NCOA2: variants seen among roughly 807,000 people sequenced by gnomAD.
NCOA2 encodes the protein nuclear receptor coactivator 2.
In NCOA2, 21 loss-of-function variants were observed where a neutral mutation model predicts 145.1. The observed-to-expected ratio is 0.14, with a 90% CI of 0.10 to 0.21. The LOEUF (loss-of-function observed/expected upper bound fraction) is 0.21. NCOA2 is among the 10% of genes least tolerant of loss of function. The pLI, the probability that NCOA2 is intolerant of heterozygous loss-of-function variation, is 1.00. For synonymous variants in NCOA2, 619 were observed against 637.5 expected (o/e 0.97, Z 0.44); for missense variants, 1,472 against 1,837.6 (o/e 0.80, Z 3.64).
Position 70,144,629 on chromosome 8 carries a change from T to C in NCOA2, c.2812+13A>G. ...AACCCACCAATAAAGTAACAGTGCA[T>C]TTGACCCCTTACCTGTGCTACTGTT... is the stretch of plus-strand genomic sequence containing the variant. On this transcript the variant is annotated intron_variant, in intron 13 of 22. Coordinates refer to ENST00000452400, the MANE Select transcript of NCOA2 (RefSeq NM_006540.4). The C allele has an allele frequency of 6.2e-7, 1 of 1,604,104 alleles. No homozygotes were observed. The highest frequency in any genetic ancestry group is 8.5e-7 in the Non-Finnish European group (1 of 1,170,876).
Position 70,289,669 on chromosome 8 carries a change from T to C in NCOA2, c.-20+7075A>G, listed in dbSNP as rs1826514688. 3.3e-5 allele frequency among the ~76,000 whole-genome samples: 5 copies of C among 152,030 alleles called. No individual in the cohort carries two copies. In the South Asian group the frequency reaches 1.0e-3, roughly 32 times the overall value. On this transcript the variant is annotated intron_variant, in intron 2 of 22. Transcript: ENST00000452400. Reference sequence around the variant, plus strand: ...AAAAAGGAAGTCCTTAATTCTACTTTTTAAAAAGTAGTGAAAACAAACAAT... The same window carrying C: ...AAAAAGGAAGTCCTTAATTCTACTTCTTAAAAAGTAGTGAAAACAAACAAT...
the NCOA2 span, among the ~76,000 whole-genome samples, chr8:70,422,498 C>T: frequency 6.6e-6 from 1 of 151,962 alleles, no homozygotes; most frequent in African/African-American, 2.4e-5. Context: ...GCAACCTCTG[C>T]TTCCCAGGGT....
At chr8:70,250,653 T>TATTCTAAATTTAACATTCTA (rs1439246152) in intron 2 of NCOA2, among the ~76,000 whole-genome samples, 1 of 152,176 alleles carries the variant, frequency 6.6e-6, no homozygotes, top group Non-Finnish European at 1.5e-5. Context: ...TAAATTTCTA[T>TATTCTAAATTTAACATTCTA]AATACAAATG....
In NCOA2 at chr8:70,217,242, T is replaced by C. The variant is rs1368892131; in HGVS notation, c.-19-478A>G. On this transcript the variant is annotated intron_variant, in intron 2 of 22. Transcript: ENST00000452400. ...GAAGAGCCAGTGCCAGGACACGAAA[T>C]TGAAGGTTTTCAAATTTAACTAGGT... Among the ~76,000 whole-genome samples the C allele has an allele frequency of 3.3e-5, 5 of 152,162 alleles. No individual in the cohort carries two copies. The South Asian group carries it at 8.3e-4, about 25-fold the overall frequency.
chr8:70,278,770 C>T (rs1282831655), intron 2 of NCOA2, among the ~76,000 whole-genome samples: 1 of 151,970 alleles, frequency 6.6e-6, no homozygotes, highest in Non-Finnish European at 1.5e-5. Flanking sequence ...AGTTCGAGAC[C>T]AGGCTGGACA....
Position 70,188,986 on chromosome 8 carries a change from A to G in NCOA2, c.260-14127T>C, listed in dbSNP as rs1454385822. On this transcript the variant is annotated intron_variant, in intron 4 of 22. Coordinates refer to ENST00000452400, the MANE Select transcript of NCOA2 (RefSeq NM_006540.4). ...CTCAGTAGAATAAAACATGAATACT[A>G]TACCAAATGTACATTGTTTCTTTTT... Among the ~76,000 whole-genome samples the G allele has an allele frequency of 2.6e-5, 4 of 152,234 alleles. No homozygotes were observed. In the East Asian group the frequency reaches 7.7e-4, roughly 29 times the overall value.
intron 2 of NCOA2, among the ~76,000 whole-genome samples, chr8:70,248,151 T>C (rs1822783792): frequency 6.6e-6 from 1 of 152,258 alleles, no homozygotes; most frequent in African/African-American, 2.4e-5. Context: ...GGTTCATTTC[T>C]TAATCCAAGA....
chr8:70,295,910 A>G (rs1380002812), intron 2 of NCOA2, among the ~76,000 whole-genome samples: 3 of 152,178 alleles, frequency 2.0e-5, no homozygotes, highest in Non-Finnish European at 2.9e-5. Flanking sequence ...GCACCACTGC[A>G]CTCCAGACTG....
intron 1 of NCOA2, among the ~76,000 whole-genome samples, chr8:70,334,562 C>A (rs1399144737): frequency 6.6e-6 from 1 of 152,136 alleles, no homozygotes; most frequent in African/African-American, 2.4e-5. Context: ...TTTAGTTATA[C>A]TGGTCCACGT....
intron 1 of NCOA2, among the ~76,000 whole-genome samples, chr8:70,329,881 G>T (rs922031268): frequency 6.6e-6 from 1 of 152,042 alleles, no homozygotes. Context: ...TAATTACAAA[G>T]AACAGAGCTC....
At chr8:70,288,947 C>CA (rs926568285) in intron 2 of NCOA2, among the ~76,000 whole-genome samples, 2 of 151,946 alleles carry the variant, frequency 1.3e-5, no homozygotes, top group African/African-American at 2.4e-5. Context: ...CATCTAGTTA[C>CA]AAAAAAATCT....
At chr8:70,363,594 T>C (rs190042948) in intron 1 of NCOA2, among the ~76,000 whole-genome samples, 10 of 152,166 alleles carry the variant, frequency 6.6e-5, no homozygotes, top group African/African-American at 2.4e-4. Flanking sequence ...TACTATGAAA[T>C]ACTATCAGCA....
intron 2 of NCOA2, among the ~76,000 whole-genome samples, chr8:70,224,271 C>A (rs889857608): frequency 4.6e-5 from 7 of 152,138 alleles, no homozygotes; most frequent in Non-Finnish European, 7.4e-5. Flanking sequence ...ATCTGGCATA[C>A]CAAGAATGCT....
chr8:70,110,889 T>A lies in NCOA2; in HGVS notation c.*2743A>T, dbSNP rs1289613743. The stretch of plus-strand genomic sequence containing the variant: ...TGTATGTATACTTTTCACATTATGT[T>A]TTTCACATTTAGTAATATAAGTGAA... On this transcript the variant is annotated 3_prime_UTR_variant, in exon 23 of 23. Transcript: ENST00000452400. The A allele has an allele frequency of 4.5e-6, 1 of 220,738 alleles. No individual in the cohort carries two copies. The highest frequency in any genetic ancestry group is 6.7e-5 in the East Asian group (1 of 14,934). 13.7% of individuals were successfully genotyped at this position (220,738 alleles called of 1,614,324 possible).
At chr8:70,294,701 A>G (rs926399024) in intron 2 of NCOA2, among the ~76,000 whole-genome samples, 3 of 152,212 alleles carry the variant, frequency 2.0e-5, no homozygotes, top group African/African-American at 7.2e-5. Flanking sequence ...ATTTAGGCAG[A>G]AAATGGAGCT....
intron 8 of NCOA2, 56 bp from the exon 9 acceptor site, chr8:70,162,910 A>ATTTTTTT (rs754512363): frequency 2.2e-5 from 21 of 966,980 alleles, no homozygotes; most frequent in African/African-American, 3.1e-5. Context: ...TTATGGAAAT[A>ATTTTTTT]ATTTTTTTTT....
At chr8:70,286,234 G>A (rs56174599) in intron 2 of NCOA2, among the ~76,000 whole-genome samples, 11,546 of 152,060 alleles carry the variant, frequency 0.076, 539 homozygotes, top group East Asian at 0.13. Flanking sequence ...GCAACATAAC[G>A]AGACTTGTCT....
chr8:70,171,117 C>A (rs868683818), intron 5 of NCOA2, among the ~76,000 whole-genome samples: 1 of 152,192 alleles, frequency 6.6e-6, no homozygotes, highest in African/African-American at 2.4e-5. Flanking sequence ...AACAGTAGCA[C>A]GCTTCCGGTA....
At chr8:70,190,678 C>G (rs539394820) in intron 4 of NCOA2, among the ~76,000 whole-genome samples, 1 of 152,084 alleles carries the variant, frequency 6.6e-6, no homozygotes, top group Non-Finnish European at 1.5e-5. Context: ...ATGGCAAAAC[C>G]CTGTCTCTAC....
Sources: gnomAD v4.1 joint callset for allele counts (sites outside exome capture counted in the v4.1 genomes callset) on GRCh38, gnomAD v4.1.1 for gene constraint, MANE v1.5 for transcripts, NCBI Gene and HGNC (gene_info 2026-07-23, HGNC 2026-07-21) for gene names.